The following LINGO2 variants were observed in gnomAD, a reference collection of about 807,000 sequenced individuals.
LINGO2 encodes leucine rich repeat and Ig domain containing 2.
In LINGO2, 14 loss-of-function variants were observed where a neutral mutation model predicts 30.6. The observed-to-expected ratio is 0.46, with a 90% confidence interval of 0.30 to 0.72. LINGO2 has a LOEUF of 0.72. LINGO2 is among the 30% of genes least tolerant of loss of function. The probability of loss-of-function intolerance (pLI) is 0.07; values close to 1 mark genes in which losing one functional copy is unlikely to be tolerated. For synonymous variants in LINGO2, 317 were observed against 288.5 expected (o/e 1.10, Z -1.00); for missense variants, 729 against 751.7 (o/e 0.97, Z 0.35).
chr9:28,106,079 G>A (rs368785335), intron 4 of LINGO2, among the ~76,000 whole-genome samples: 9 of 152,032 alleles, frequency 5.9e-5, no homozygotes, highest in East Asian at 1.9e-4. Context: ...GCTCATGTGA[G>A]GGATATAGGT....
chr9:28,886,315 G>A, the LINGO2 span, among the ~76,000 whole-genome samples: 14 of 151,986 alleles, frequency 9.2e-5, no homozygotes, highest in Non-Finnish European at 1.5e-5. Flanking sequence ...TTGGATCTAA[G>A]CTAAAATGGT....
chr9:28,879,854 A>G, the LINGO2 span, among the ~76,000 whole-genome samples: 1 of 57,258 alleles, frequency 1.7e-5, no homozygotes, highest in South Asian at 5.2e-4. Flanking sequence ...AAACAAAAAG[A>G]AAAAAAAGTG....
At chr9:29,068,554 A>G in the LINGO2 span, among the ~76,000 whole-genome samples, 1 of 151,872 alleles carries the variant, frequency 6.6e-6, no homozygotes, top group Non-Finnish European at 1.5e-5. Context: ...AAGGATAAAT[A>G]CAAGCTGAAT....
upstream of LINGO2, among the ~76,000 whole-genome samples, chr9:28,672,460 A>G (rs2136049314): frequency 6.6e-6 from 1 of 152,292 alleles, no homozygotes; most frequent in East Asian, 1.9e-4. Context: ...TCATATGCAT[A>G]TCTCATTTAA....
chr9:28,061,287 T>C (rs888948861), intron 4 of LINGO2, among the ~76,000 whole-genome samples: 1 of 150,842 alleles, frequency 6.6e-6, no homozygotes, highest in Admixed American at 6.7e-5. Flanking sequence ...TCAACGTCTA[T>C]TGGGCACAAT....
the LINGO2 span, chr9:27,940,200 C>T: frequency 1.3e-5 from 2 of 151,990 alleles, no homozygotes; most frequent in East Asian, 3.9e-4. Context: ...ATATACGTGT[C>T]ATTCTGCCAT....
At chr9:28,633,038 G>A (rs111285486) in intron 1 of LINGO2, among the ~76,000 whole-genome samples, 2,890 of 151,508 alleles carry the variant, frequency 0.019, 63 homozygotes, top group African/African-American at 0.039. Flanking sequence ...GTGGAGTCCA[G>A]TGTTCAAGGG....
chr9:29,209,818 A>G, the LINGO2 span, among the ~76,000 whole-genome samples: 2 of 152,308 alleles, frequency 1.3e-5, no homozygotes, highest in African/African-American at 2.4e-5. Context: ...GAGGGCTATG[A>G]CAAAGAGAAA....
At chr9:28,509,831 T>C (rs1820298822) in intron 1 of LINGO2, among the ~76,000 whole-genome samples, 1 of 152,244 alleles carries the variant, frequency 6.6e-6, no homozygotes, top group African/African-American at 2.4e-5. Flanking sequence ...GGTATTTTGT[T>C]GTGGCAGCCC....
At chr9:28,535,906 C>T (rs1220039354) in intron 1 of LINGO2, among the ~76,000 whole-genome samples, 1 of 152,166 alleles carries the variant, frequency 6.6e-6, no homozygotes, top group Non-Finnish European at 1.5e-5. Context: ...TTGTAATGCT[C>T]TTGGAGATGA....
At chr9:28,951,436 T>C in the LINGO2 span, among the ~76,000 whole-genome samples, 38 of 152,166 alleles carry the variant, frequency 2.5e-4, no homozygotes, top group African/African-American at 9.2e-4. Context: ...GCTTATTCTT[T>C]CCTGTTCTCT....
At chr9:27,981,764 C>T (rs1293740993) in intron 5 of LINGO2, among the ~76,000 whole-genome samples, 1 of 151,296 alleles carries the variant, frequency 6.6e-6, no homozygotes, top group African/African-American at 2.4e-5. Flanking sequence ...CACATGTGAC[C>T]CTAAAGCCTT....
At chr9:28,727,571 AG>A in the LINGO2 span, among the ~76,000 whole-genome samples, 8 of 152,174 alleles carry the variant, frequency 5.3e-5, 1 homozygote, top group Admixed American at 3.3e-4. Context: ...TACAGGCGTG[AG>A]CCACCACGCC....
chr9:28,175,453 G>A (rs1023705238), intron 4 of LINGO2, among the ~76,000 whole-genome samples: 1 of 152,070 alleles, frequency 6.6e-6, no homozygotes, highest in African/African-American at 2.4e-5. Flanking sequence ...AGGGGAGGGA[G>A]GTTCTCAGAA....
intron 5 of LINGO2, among the ~76,000 whole-genome samples, chr9:27,985,498 T>G (rs1481582368): frequency 3.3e-5 from 5 of 151,928 alleles, no homozygotes; most frequent in Non-Finnish European, 5.9e-5. Flanking sequence ...TTGAGTAAAT[T>G]AATAATACCA....
chr9:29,103,158 G>T, the LINGO2 span, among the ~76,000 whole-genome samples: 2 of 151,996 alleles, frequency 1.3e-5, no homozygotes, highest in African/African-American at 2.4e-5. Context: ...CAGCCCAAAA[G>T]AGATTCTAAA....
intron 2 of LINGO2, among the ~76,000 whole-genome samples, chr9:28,386,624 G>T (rs1307451026): frequency 6.6e-6 from 1 of 152,052 alleles, no homozygotes; most frequent in African/African-American, 2.4e-5. Context: ...AATCATAGTT[G>T]CTTACCTCAA....
chr9:29,141,859 T>C, the LINGO2 span, among the ~76,000 whole-genome samples: 1 of 151,872 alleles, frequency 6.6e-6, no homozygotes, highest in Admixed American at 6.6e-5. Context: ...TATAAATATA[T>C]AACAATAATA....
At chr9:28,335,646 A>G (rs1825565959) in intron 3 of LINGO2, among the ~76,000 whole-genome samples, 1 of 152,208 alleles carries the variant, frequency 6.6e-6, no homozygotes, top group South Asian at 2.1e-4. Flanking sequence ...AAGATTATAG[A>G]AACAACATAT....
Sources: gnomAD v4.1 joint callset for allele counts (sites outside exome capture counted in the v4.1 genomes callset) on GRCh38, gnomAD v4.1.1 for gene constraint, MANE v1.5 for transcripts, NCBI Gene and HGNC (gene_info 2026-07-23, HGNC 2026-07-21) for gene names.